Variants in HTR1F observed in about 807,000 individuals in gnomAD.
The protein encoded by HTR1F is 5-hydroxytryptamine (serotonin) receptor 1F, G protein-coupled.
HTR1F carries 17 observed loss-of-function variants against 24.0 expected under a neutral mutation model. That is an observed-to-expected ratio of 0.71 (90% CI 0.48 to 1.06). HTR1F has a LOEUF of 1.06. HTR1F is among the 50% of genes least tolerant of loss of function. The pLI is 0.00. For missense variants in HTR1F, 391 were observed against 427.8 expected (o/e 0.91, Z 0.76); for synonymous variants, 186 against 156.8 (o/e 1.19, Z -1.39).
At chr3:87,826,497 C>T (rs938687625) in intron 2 of HTR1F, among the ~76,000 whole-genome samples, 3 of 152,106 alleles carry the variant, frequency 2.0e-5, no homozygotes, top group Non-Finnish European at 2.9e-5. Context: ...CTGTACTTTC[C>T]ATAGCCAGCC....
chr3:87,841,935 A>T (rs1188247277), intron 2 of HTR1F, among the ~76,000 whole-genome samples: 6 of 151,014 alleles, frequency 4.0e-5, no homozygotes, highest in Non-Finnish European at 8.8e-5. Flanking sequence ...AAAAAAAAAA[A>T]AAACTAAACT....
At chr3:87,892,512 T>G (rs1340532022) in intron 2 of HTR1F, among the ~76,000 whole-genome samples, 2 of 152,188 alleles carry the variant, frequency 1.3e-5, no homozygotes, top group African/African-American at 2.4e-5. Context: ...CAAGATATTT[T>G]TATATAACTT....
chr3:87,936,004 C>T (rs1704406544), intron 2 of HTR1F, among the ~76,000 whole-genome samples: 2 of 152,148 alleles, frequency 1.3e-5, no homozygotes, highest in Non-Finnish European at 2.9e-5. Context: ...GCGCCCACCA[C>T]TACATCTGGC....
intron 2 of HTR1F, among the ~76,000 whole-genome samples, chr3:87,946,739 C>T (rs933546183): frequency 9.2e-5 from 14 of 151,978 alleles, no homozygotes; most frequent in African/African-American, 3.1e-4. Context: ...TATTCTCCTG[C>T]CTCAGCCTCC....
At position 87,931,375 on chromosome 3, in the gene HTR1F, A is replaced by C. The variant is rs141399960; in HGVS notation, c.-42-59333A>C. Among the ~76,000 whole-genome samples, 724 of 152,312 alleles carry C rather than the reference A, an allele frequency of 4.8e-3. 2 individuals carry two copies. Among genetic ancestry groups the C allele is most frequent in the African/African-American group, 0.017 (691 of 41,574 alleles). On this transcript the variant is annotated intron_variant, in intron 2 of 2. Transcript: ENST00000319595. Reference sequence around the variant, plus strand: ...CATCCATGTCCCTACAAAGGACGTGAACTCATCATTTCTTATGGCTGCATA... The same window carrying C: ...CATCCATGTCCCTACAAAGGACGTGCACTCATCATTTCTTATGGCTGCATA...
chr3:87,955,307 C>G (rs56231132), intron 2 of HTR1F, among the ~76,000 whole-genome samples: 24,690 of 151,206 alleles, frequency 0.16, 2,104 homozygotes, highest in African/African-American at 0.2. Context: ...AAAATGGACC[C>G]TTTTTATGTC....
At chr3:87,864,063 A>G (rs1705371888) in intron 2 of HTR1F, among the ~76,000 whole-genome samples, 1 of 152,130 alleles carries the variant, frequency 6.6e-6, no homozygotes, top group South Asian at 2.1e-4. Flanking sequence ...TCACTCTGAT[A>G]CTTCTGCCTC....
intron 2 of HTR1F, among the ~76,000 whole-genome samples, chr3:87,906,051 T>G (rs1333093827): frequency 6.6e-5 from 10 of 152,092 alleles, no homozygotes; most frequent in Non-Finnish European, 1.5e-5. Context: ...TTAATTGAAC[T>G]ATACATTATT....
intron 2 of HTR1F, among the ~76,000 whole-genome samples, chr3:87,834,660 G>A (rs994948580): frequency 2.6e-5 from 4 of 152,156 alleles, no homozygotes; most frequent in African/African-American, 4.8e-5. Context: ...AGTCTGCAAA[G>A]TATAACCTGC....
chr3:87,812,471 G>A (rs1372586118), intron 1 of HTR1F, among the ~76,000 whole-genome samples: 1 of 152,008 alleles, frequency 6.6e-6, no homozygotes, highest in East Asian at 1.9e-4. Context: ...TTGAGAGAGA[G>A]GATCTGAAAT....
In HTR1F at chr3:87,990,967, C is replaced by T. The variant is rs1007959118; in HGVS notation, c.218C>T (p.Ala73Val). ...CTTGCAGTCACAGATTTTCTTGTGGCTGTCCTGGTGATGCCCTTCAGCATT... is the reference window on the plus strand; with the variant it reads ...CTTGCAGTCACAGATTTTCTTGTGGTTGTCCTGGTGATGCCCTTCAGCATT... ...CSLAVTDFLV[A>V]VLVMPFSIVY... The change falls in exon 3 of 3, where the codon GCT (alanine) becomes GTT (valine). Residue 73 changes from alanine to valine, a missense_variant. Transcript: ENST00000319595. 1.9e-6 allele frequency: 3 copies of T among 1,614,032 alleles called. No individual in the cohort carries two copies. Among genetic ancestry groups the T allele is most frequent in the Admixed American group, 1.7e-5 (1 of 59,994 alleles).
At chr3:87,931,976 T>G (rs1364780324) in intron 2 of HTR1F, among the ~76,000 whole-genome samples, 2 of 152,208 alleles carry the variant, frequency 1.3e-5, no homozygotes, top group Non-Finnish European at 2.9e-5. Flanking sequence ...TGCAAAAATT[T>G]TCTCCCATTC....
chr3:87,926,041 C>T lies in HTR1F; in HGVS notation c.-42-64667C>T, dbSNP rs1704119186. Reference sequence around the variant, plus strand: ...GATGACATCCATTACTTACACTTTGCTTTTCCTAAAAGCAGATACATTTAT... The same window carrying T: ...GATGACATCCATTACTTACACTTTGTTTTTCCTAAAAGCAGATACATTTAT... On this transcript the variant is annotated intron_variant, in intron 2 of 2. Transcript: ENST00000319595. Among the ~76,000 whole-genome samples, 3 of 152,284 alleles carry T rather than the reference C, an allele frequency of 2.0e-5. No individual in the cohort carries two copies. In the South Asian group the frequency reaches 6.2e-4, roughly 32 times the overall value.
intron 2 of HTR1F, among the ~76,000 whole-genome samples, chr3:87,934,517 C>A (rs1388408763): frequency 6.6e-6 from 1 of 152,158 alleles, no homozygotes; most frequent in Non-Finnish European, 1.5e-5. Context: ...TCATGAAACC[C>A]CAGCTCCTGT....
intron 2 of HTR1F, among the ~76,000 whole-genome samples, chr3:87,978,497 T>C (rs1257642309): frequency 6.6e-6 from 1 of 152,126 alleles, no homozygotes; most frequent in African/African-American, 2.4e-5. Context: ...ACAGCAACAG[T>C]ACAGCTCTCA....
intron 1 of HTR1F, among the ~76,000 whole-genome samples, chr3:87,799,117 T>G (rs1703954369): frequency 6.6e-6 from 1 of 152,228 alleles, no homozygotes; most frequent in Admixed American, 6.5e-5. Flanking sequence ...CAGACTCATT[T>G]AAGTCCATCA....
At chr3:87,986,345 T>C (rs1223955219) in intron 2 of HTR1F, among the ~76,000 whole-genome samples, 20 of 152,344 alleles carry the variant, frequency 1.3e-4, no homozygotes, top group Admixed American at 3.3e-4. Flanking sequence ...CTTTGTTGTC[T>C]ATAAATACAA....
In HTR1F at chr3:87,968,671, C is replaced by T. The variant is rs188540507; in HGVS notation, c.-42-22037C>T. On this transcript the variant is annotated intron_variant, in intron 2 of 2. Transcript: ENST00000319595. Reference sequence around the variant, plus strand: ...TTGGAAAATTTGCAGCCTGACAAAGCGGTAGGAAAGAAAAACCCATTTTCT... The same window carrying T: ...TTGGAAAATTTGCAGCCTGACAAAGTGGTAGGAAAGAAAAACCCATTTTCT... Among the ~76,000 whole-genome samples the T allele has an allele frequency of 1.4e-3, 216 of 152,142 alleles. 3 individuals carry two copies. Among genetic ancestry groups the T allele is most frequent in the African/African-American group, 4.7e-3 (194 of 41,498 alleles).
intron 2 of HTR1F, among the ~76,000 whole-genome samples, chr3:87,945,018 T>C (rs970493997): frequency 2.4e-5 from 3 of 127,230 alleles, no homozygotes; most frequent in Admixed American, 7.4e-5. Flanking sequence ...GGCACACTGG[T>C]TGTTTTGTTT....
Sources: gnomAD v4.1 joint callset for allele counts (sites outside exome capture counted in the v4.1 genomes callset) on GRCh38, gnomAD v4.1.1 for gene constraint, MANE v1.5 for transcripts, NCBI Gene and HGNC (gene_info 2026-07-23, HGNC 2026-07-21) for gene names.